The following GABRB2 variants were observed in gnomAD, a reference collection of about 807,000 sequenced individuals.
GABRB2 encodes the protein gamma-aminobutyric acid receptor subunit beta-2.
A neutral mutation model predicts 54.7 loss-of-function variants in GABRB2; 16 were observed. The observed-to-expected ratio is 0.29, with a 90% CI of 0.20 to 0.44. The LOEUF (loss-of-function observed/expected upper bound fraction) is 0.44, where lower values mean the gene tolerates loss of function less well. Among genes scored for constraint, GABRB2 ranks in the 20% least tolerant of loss-of-function variants. GABRB2 has a pLI of 1.00. For missense variants in GABRB2, 355 were observed against 644.0 expected (o/e 0.55, Z 4.86); for synonymous variants, 244 against 233.8 (o/e 1.04, Z -0.40).
chr5:161,398,560 C>A (rs1756075793), intron 5 of GABRB2, among the ~76,000 whole-genome samples: 1 of 152,188 alleles, frequency 6.6e-6, no homozygotes, highest in Non-Finnish European at 1.5e-5. Flanking sequence ...ACCGCAGATA[C>A]CATCAGCATG....
chr5:161,476,372 T>A (rs1265797595), intron 3 of GABRB2, among the ~76,000 whole-genome samples: 1 of 151,930 alleles, frequency 6.6e-6, no homozygotes, highest in African/African-American at 2.4e-5. Flanking sequence ...CACGGTAAAC[T>A]ACAGTTTTAA....
At chr5:161,460,759 G>A (rs1758100946) in intron 3 of GABRB2, among the ~76,000 whole-genome samples, 1 of 151,914 alleles carries the variant, frequency 6.6e-6, no homozygotes, top group Non-Finnish European at 1.5e-5. Flanking sequence ...TGCTCTCAGG[G>A]AATTTAAAAA....
At chr5:161,442,503 G>A (rs983438607) in intron 4 of GABRB2, among the ~76,000 whole-genome samples, 69 of 152,152 alleles carry the variant, frequency 4.5e-4, no homozygotes, top group Non-Finnish European at 6.8e-4. Context: ...TCCTCCCTGT[G>A]GAGTTGTAAC....
intron 4 of GABRB2, among the ~76,000 whole-genome samples, chr5:161,423,952 AG>A (rs759048377): frequency 4.6e-5 from 7 of 152,126 alleles, no homozygotes; most frequent in Non-Finnish European, 8.8e-5. Context: ...TCTGGATGGA[AG>A]ATCAAATCAT....
chr5:161,429,004 T>C (rs534897088), intron 4 of GABRB2, among the ~76,000 whole-genome samples: 53 of 151,764 alleles, frequency 3.5e-4, no homozygotes, highest in Admixed American at 5.2e-4. Flanking sequence ...TTTATTTATG[T>C]TTATTATTAT....
intron 4 of GABRB2, among the ~76,000 whole-genome samples, chr5:161,423,350 A>G (rs1477116994): frequency 3.3e-5 from 5 of 152,128 alleles, no homozygotes; most frequent in Non-Finnish European, 7.4e-5. Flanking sequence ...CCTTGCAGAC[A>G]TTGTGTTCTT....
intron 4 of GABRB2, among the ~76,000 whole-genome samples, chr5:161,450,477 A>G (rs1757760099): frequency 6.6e-6 from 1 of 152,156 alleles, no homozygotes; most frequent in East Asian, 1.9e-4. Flanking sequence ...AAGGCTGAAG[A>G]ATGATGTATT....
chr5:161,495,987 G>A (rs13179679), intron 3 of GABRB2, among the ~76,000 whole-genome samples: 3,668 of 152,254 alleles, frequency 0.024, 54 homozygotes, highest in African/African-American at 0.034. Flanking sequence ...AGTCAGGAAT[G>A]TTGCTATAAC....
At chr5:161,464,231 A>C (rs1469268433) in intron 3 of GABRB2, among the ~76,000 whole-genome samples, 3 of 152,130 alleles carry the variant, frequency 2.0e-5, no homozygotes, top group African/African-American at 7.2e-5. Flanking sequence ...CATAAATATA[A>C]GCATATAATA....
chr5:161,439,990 G>T (rs1382663311), intron 4 of GABRB2, among the ~76,000 whole-genome samples: 1 of 106,168 alleles, frequency 9.4e-6, no homozygotes, highest in Non-Finnish European at 2.0e-5. Context: ...TTGTAGAGAA[G>T]AACAAAATAA....
intron 4 of GABRB2, among the ~76,000 whole-genome samples, chr5:161,434,155 G>T (rs1363712255): frequency 6.6e-6 from 1 of 152,036 alleles, no homozygotes; most frequent in Non-Finnish European, 1.5e-5. Context: ...GTAAATATCA[G>T]GGCTAAATTC....
intron 5 of GABRB2, among the ~76,000 whole-genome samples, chr5:161,354,988 T>C (rs937300379): frequency 6.6e-6 from 1 of 151,986 alleles, no homozygotes; most frequent in African/African-American, 2.4e-5. Flanking sequence ...CTCTTAGCAC[T>C]TGCCTTGTAT....
chr5:161,547,474 C>G (rs1761023022), upstream of GABRB2, among the ~76,000 whole-genome samples: 1 of 152,112 alleles, frequency 6.6e-6, no homozygotes, highest in Non-Finnish European at 1.5e-5. Flanking sequence ...CTCCTCTCCT[C>G]ACCCTTTGCC....
chr5:161,503,669 A>C (rs77589797), intron 3 of GABRB2, among the ~76,000 whole-genome samples: 2,529 of 147,780 alleles, frequency 0.017, 82 homozygotes, highest in African/African-American at 0.061. Context: ...AGATCGCGCC[A>C]TTGCACTCCC....
chr5:161,331,769 T>C (rs1753851333), intron 7 of GABRB2, among the ~76,000 whole-genome samples: 1 of 151,846 alleles, frequency 6.6e-6, no homozygotes, highest in Non-Finnish European at 1.5e-5. Flanking sequence ...TTAAAGGCAA[T>C]GTGGAGCAGG....
chr5:161,294,480 T>C (rs781281604), intron 9 of GABRB2, 52 bp from the exon 10 acceptor site: 1 of 1,494,394 alleles, frequency 6.7e-7, no homozygotes, highest in Non-Finnish European at 9.2e-7. Context: ...GCTTTACAGG[T>C]GCTTACTAGG....
chr5:161,405,519 A>C (rs1046048606), intron 5 of GABRB2, among the ~76,000 whole-genome samples: 1 of 152,016 alleles, frequency 6.6e-6, no homozygotes, highest in South Asian at 2.1e-4. Context: ...AGCTTGAGGA[A>C]ACCATAATAG....
chr5:161,503,589 T>C (rs1471910970), intron 3 of GABRB2, among the ~76,000 whole-genome samples: 1 of 151,374 alleles, frequency 6.6e-6, no homozygotes, highest in East Asian at 1.9e-4. Flanking sequence ...ATGCCTGCAA[T>C]CCCAGCTACT....
At chr5:161,328,407 C>G (rs1169049007) in intron 8 of GABRB2, among the ~76,000 whole-genome samples, 1 of 152,170 alleles carries the variant, frequency 6.6e-6, no homozygotes, top group African/African-American at 2.4e-5. Flanking sequence ...ATATTACCCT[C>G]TTTGCACATT....
Sources: allele counts gnomAD v4.1 joint callset (sites outside exome capture counted in the v4.1 genomes callset), GRCh38; gene constraint gnomAD v4.1.1; transcripts MANE v1.5; gene names NCBI Gene and HGNC (gene_info 2026-07-23, HGNC 2026-07-21).